SPMIP8: variants seen among roughly 807,000 people sequenced by gnomAD.
SPMIP8 encodes sperm microtubule inner protein 8.
chr16:57,984,642 A>T, the SPMIP8 span: 1 of 1,579,400 alleles, frequency 6.3e-7, no homozygotes, highest in Non-Finnish European at 8.6e-7. Flanking sequence ...TCAGGACATC[A>T]CCGCCACAGG....
chr16:57,984,976 C>G, the SPMIP8 span, among the ~76,000 whole-genome samples: 1 of 152,022 alleles, frequency 6.6e-6, no homozygotes, highest in African/African-American at 2.4e-5. Context: ...GAGACGTGCG[C>G]GCGGATCTGG....
the SPMIP8 span, chr16:57,984,776 C>A: frequency 1.2e-6 from 2 of 1,608,810 alleles, no homozygotes; most frequent in Non-Finnish European, 1.7e-6. Flanking sequence ...TGTCCTCGGC[C>A]GGGGAGTTCA....
At chr16:57,978,083 G>A in the SPMIP8 span, 1 of 1,571,302 alleles carries the variant, frequency 6.4e-7, no homozygotes, top group Non-Finnish European at 8.7e-7. Flanking sequence ...AGGGGCAGAT[G>A]GTTTCAGGAA....
At chr16:57,986,046 G>A in the SPMIP8 span, 1 of 1,410,980 alleles carries the variant, frequency 7.1e-7, no homozygotes, top group Non-Finnish European at 9.4e-7. Context: ...GCCCCAGCGA[G>A]GCCTGGCGAG....
chr16:57,984,415 A>C, the SPMIP8 span: 53,700 of 1,580,730 alleles, frequency 0.034, 1,026 homozygotes, highest in Non-Finnish European at 0.038. Flanking sequence ...ACCAGCCCCA[A>C]GCACCTCTGG....
chr16:57,981,141 G>A, the SPMIP8 span, among the ~76,000 whole-genome samples: 1 of 152,036 alleles, frequency 6.6e-6, no homozygotes, highest in African/African-American at 2.4e-5. Flanking sequence ...AGCACTTTGG[G>A]GGGCCAAGGC....
chr16:57,982,029 T>C, the SPMIP8 span, among the ~76,000 whole-genome samples: 3 of 152,174 alleles, frequency 2.0e-5, no homozygotes, highest in Non-Finnish European at 4.4e-5. Flanking sequence ...CATTTTCAAA[T>C]GGAGAAAAGT....
chr16:57,984,910 C>T, the SPMIP8 span: 4 of 1,425,456 alleles, frequency 2.8e-6, no homozygotes, highest in Non-Finnish European at 3.7e-6. Context: ...GCGGGCCAGG[C>T]AGAAACAGGG....
chr16:57,976,554 C>T, the SPMIP8 span: 1 of 1,614,192 alleles, frequency 6.2e-7, no homozygotes, highest in Non-Finnish European at 8.5e-7. Context: ...CTCTTCTGCC[C>T]ATTGAGCAGT....
At chr16:57,986,029 C>G in the SPMIP8 span, 1 of 1,469,964 alleles carries the variant, frequency 6.8e-7, no homozygotes, top group Non-Finnish European at 9.1e-7. Flanking sequence ...GACTCTGAAA[C>G]CCCCCTGCCC....
the SPMIP8 span, chr16:57,984,736 C>T: frequency 1.2e-6 from 2 of 1,605,062 alleles, no homozygotes; most frequent in Non-Finnish European, 1.7e-6. Context: ...CCCTGCTTCA[C>T]GCGCGCCATC....
At chr16:57,981,404 T>TATTATTATTATTATTATTATA in the SPMIP8 span, among the ~76,000 whole-genome samples, 2 of 140,524 alleles carry the variant, frequency 1.4e-5, no homozygotes, top group Non-Finnish European at 3.1e-5. Context: ...TTATTATTAT[T>TATTATTATTATTATTATTATA]ATAATAATAA....
the SPMIP8 span, chr16:57,985,830 T>A: frequency 6.6e-7 from 1 of 1,507,820 alleles, no homozygotes; most frequent in Non-Finnish European, 8.9e-7. Context: ...GGAGAGGGGG[T>A]GGCTCCCGAG....
At chr16:57,979,408 C>T in the SPMIP8 span, among the ~76,000 whole-genome samples, 1 of 152,204 alleles carries the variant, frequency 6.6e-6, no homozygotes, top group South Asian at 2.1e-4. Context: ...CCTATTTAAA[C>T]GGCAGCCACG....
At chr16:57,980,750 A>G in the SPMIP8 span, among the ~76,000 whole-genome samples, 1 of 152,182 alleles carries the variant, frequency 6.6e-6, no homozygotes, top group Non-Finnish European at 1.5e-5. Flanking sequence ...GCTAGAGTGC[A>G]ATGTCAAAAA....
At chr16:57,985,961 C>A in the SPMIP8 span, 53 of 1,601,502 alleles carry the variant, frequency 3.3e-5, no homozygotes, top group Admixed American at 7.2e-4. Context: ...CGGTCCTGTC[C>A]CGCCCCACAG....
At chr16:57,985,954 T>C in the SPMIP8 span, 2 of 1,607,578 alleles carry the variant, frequency 1.2e-6, no homozygotes, top group Non-Finnish European at 1.7e-6. Flanking sequence ...AGGGGAACGG[T>C]CCTGTCCCGC....
chr16:57,977,712 T>C, the SPMIP8 span: 1 of 1,282,962 alleles, frequency 7.8e-7, no homozygotes, highest in African/African-American at 1.5e-5. Context: ...AATAAATGTT[T>C]GGCAAGTAGA....
At chr16:57,983,379 TG>T in the SPMIP8 span, among the ~76,000 whole-genome samples, 1 of 152,234 alleles carries the variant, frequency 6.6e-6, no homozygotes, top group East Asian at 1.9e-4. Flanking sequence ...TTTTTCCATT[TG>T]TTTTTTGACA....
Sources: allele counts gnomAD v4.1 joint callset (sites outside exome capture counted in the v4.1 genomes callset), GRCh38; gene constraint gnomAD v4.1.1; transcripts MANE v1.5; gene names NCBI Gene and HGNC (gene_info 2026-07-23, HGNC 2026-07-21).